The following WDPCP variants were observed in gnomAD, a reference collection of about 807,000 sequenced individuals.
WDPCP encodes the protein WD repeat containing planar cell polarity effector.
Under a neutral mutation model 93.1 loss-of-function variants are expected in WDPCP, and 71 were observed. The ratio of observed to expected loss-of-function variants is 0.76; its 90% CI spans 0.63 to 0.93. The LOEUF (loss-of-function observed/expected upper bound fraction) is 0.93, where lower values mean the gene tolerates loss of function less well. Ranked by LOEUF, WDPCP falls within the 40% of genes least tolerant of loss-of-function variation. WDPCP has a pLI of 0.00. For missense variants in WDPCP, 844 were observed against 887.4 expected (o/e 0.95, Z 0.62); for synonymous variants, 315 against 315.0 (o/e 1.00, Z 0.00).
At chr2:63,484,097 C>T (rs1173004982) in intron 6 of WDPCP, among the ~76,000 whole-genome samples, 1 of 151,968 alleles carries the variant, frequency 6.6e-6, no homozygotes, top group African/African-American at 2.4e-5. Context: ...TATTCAGTCA[C>T]ATATGACTAG....
intron 13 of WDPCP, among the ~76,000 whole-genome samples, chr2:63,312,545 G>T (rs1686260772): frequency 6.6e-6 from 1 of 152,144 alleles, no homozygotes; most frequent in Non-Finnish European, 1.5e-5. Flanking sequence ...TTGCTCTGTT[G>T]TTTCTGTGGA....
chr2:63,595,366 T>G, intron 3 of WDPCP: 1 of 1,064,378 alleles, frequency 9.4e-7, no homozygotes, highest in Non-Finnish European at 1.5e-6. Context: ...GAAAAGACTT[T>G]CTTGTGTCTA....
intron 12 of WDPCP, among the ~76,000 whole-genome samples, chr2:63,317,184 T>G (rs779698512): frequency 5.9e-5 from 9 of 151,932 alleles, no homozygotes; most frequent in Admixed American, 2.0e-4. Context: ...AAACCTTAGA[T>G]TTATATGGAA....
intron 12 of WDPCP, among the ~76,000 whole-genome samples, chr2:63,315,138 T>TA (rs1686537193): frequency 6.6e-6 from 1 of 151,968 alleles, no homozygotes; most frequent in Non-Finnish European, 1.5e-5. Flanking sequence ...ATATCCTCCA[T>TA]AAAAAAATAA....
At chr2:63,549,247 C>CAAAAAAAAAAAAAAAAAAAAAAA (rs60864094) in intron 1 of WDPCP, among the ~76,000 whole-genome samples, 1 of 87,666 alleles carries the variant, frequency 1.1e-5, no homozygotes. Flanking sequence ...GAGACTGTCT[C>CAAAAAAAAAAAAAAAAAAAAAAA]AAAAAAAAAA....
intron 2 of WDPCP, among the ~76,000 whole-genome samples, chr2:63,707,441 C>T (rs1050300502): frequency 5.9e-5 from 9 of 152,146 alleles, no homozygotes; most frequent in Non-Finnish European, 8.8e-5. Flanking sequence ...CTTGTGCATT[C>T]GTCACGTAGA....
chr2:63,602,279 A>G (rs1488635924), intron 3 of WDPCP, among the ~76,000 whole-genome samples: 1 of 150,748 alleles, frequency 6.6e-6, no homozygotes, highest in African/African-American at 2.4e-5. Flanking sequence ...AGACCAGTCG[A>G]GTCATTGCAG....
chr2:63,818,014 C>A (rs1412397845), intron 1 of WDPCP, among the ~76,000 whole-genome samples: 1 of 152,138 alleles, frequency 6.6e-6, no homozygotes, highest in African/African-American at 2.4e-5. Flanking sequence ...TATCAAAAGT[C>A]ATCACATTTT....
chr2:63,396,105 A>T (rs1043859642), intron 10 of WDPCP, among the ~76,000 whole-genome samples: 1 of 152,190 alleles, frequency 6.6e-6, no homozygotes, highest in Non-Finnish European at 1.5e-5. Context: ...AAAATTCATC[A>T]TCACTCTAGT....
intron 13 of WDPCP, among the ~76,000 whole-genome samples, chr2:63,287,087 T>C (rs1416192189): frequency 2.0e-5 from 3 of 152,196 alleles, no homozygotes; most frequent in African/African-American, 7.2e-5. Context: ...ATGGTCTTAC[T>C]TCTGTGCACA....
chr2:63,684,404 C>T, intron 2 of WDPCP: 1 of 816,140 alleles, frequency 1.2e-6, no homozygotes, highest in Non-Finnish European at 2.1e-6. Context: ...ATGATGGCAC[C>T]TCAGATCGCC....
In WDPCP at chr2:63,386,854, G is replaced by C. The variant is rs569051557; in HGVS notation, c.1436-4760C>G. On this transcript the variant is annotated intron_variant, in intron 10 of 17. Transcript: ENST00000272321. ...AAAAAAAAACCCTCAGAGGATATTA[G>C]GAACACCTCTATGCACTCAAGCTAG... is the stretch of plus-strand genomic sequence containing the variant. Among the ~76,000 whole-genome samples the C allele has an allele frequency of 6.6e-5, 10 of 151,980 alleles. No individual in the cohort carries two copies. In the South Asian group the frequency reaches 1.5e-3, roughly 22 times the overall value.
chr2:63,495,299 T>C (rs10176522), intron 1 of WDPCP, among the ~76,000 whole-genome samples: 123,717 of 152,172 alleles, frequency 0.81, 51,122 homozygotes, highest in East Asian at 0.99. Context: ...TATCTTTCAG[T>C]ATTATCACTT....
chr2:63,580,743 C>A (rs769477649), intron 1 of WDPCP, among the ~76,000 whole-genome samples: 1 of 152,278 alleles, frequency 6.6e-6, no homozygotes, highest in Non-Finnish European at 1.5e-5. Context: ...ATTACTGAGA[C>A]AACTGGCAGC....
Position 63,194,867 on chromosome 2 carries a change from G to A in WDPCP, c.1916-20035C>T, listed in dbSNP as rs191771168. Among the ~76,000 whole-genome samples the A allele has an allele frequency of 1.4e-4, 22 of 152,210 alleles. No homozygotes were observed. The East Asian group carries it at 3.9e-3, about 27-fold the overall frequency. ...GATCAGATTTCAGTTTTCATTGCTT[G>A]TTGCAAGTAGAAAATAAAATCAATA... On this transcript the variant is annotated intron_variant, in intron 14 of 17. Transcript: ENST00000272321.
intron 14 of WDPCP, among the ~76,000 whole-genome samples, chr2:63,213,031 C>T (rs531804311): frequency 1.3e-5 from 2 of 152,144 alleles, no homozygotes; most frequent in East Asian, 1.9e-4. Context: ...ATGGGAGACT[C>T]AGACACCCCA....
chr2:63,219,864 G>T (rs890520883), intron 14 of WDPCP, among the ~76,000 whole-genome samples: 5 of 151,992 alleles, frequency 3.3e-5, no homozygotes, highest in Admixed American at 1.3e-4. Context: ...TTAGCCGGGG[G>T]TGGTGGCAGC....
At chr2:63,216,267 T>C (rs1402392943) in intron 14 of WDPCP, among the ~76,000 whole-genome samples, 4 of 152,184 alleles carry the variant, frequency 2.6e-5, no homozygotes, top group Non-Finnish European at 2.9e-5. Context: ...CGTATGTTTA[T>C]TGCAACACTA....
chr2:63,739,184 C>T (rs1370381071), intron 2 of WDPCP, among the ~76,000 whole-genome samples: 1 of 152,058 alleles, frequency 6.6e-6, no homozygotes, highest in East Asian at 1.9e-4. Flanking sequence ...TTCCTTCCTC[C>T]CACCTCAAGT....
Sources: gnomAD v4.1 joint callset for allele counts (sites outside exome capture counted in the v4.1 genomes callset) on GRCh38, gnomAD v4.1.1 for gene constraint, MANE v1.5 for transcripts, NCBI Gene and HGNC (gene_info 2026-07-23, HGNC 2026-07-21) for gene names.